CUBN: variants seen among roughly 807,000 people sequenced by gnomAD.
CUBN encodes the protein cubilin.
In CUBN, 282 loss-of-function variants were observed where a neutral mutation model predicts 405.3. That is an observed-to-expected ratio of 0.70 (90% confidence interval 0.63 to 0.77). The LOEUF (loss-of-function observed/expected upper bound fraction) is 0.77. CUBN is among the 30% of genes least tolerant of loss of function. The probability of loss-of-function intolerance (pLI) is 0.00; values close to 1 mark genes in which losing one functional copy is unlikely to be tolerated. For synonymous variants in CUBN, 1,684 were observed against 1,617.0 expected (o/e 1.04, Z -0.99); for missense variants, 4,514 against 4,475.2 (o/e 1.01, Z -0.25).
At position 17,065,617 on chromosome 10, in the gene CUBN, C is replaced by T. The variant is rs772693156; in HGVS notation, c.3030G>A (p.Pro1010=). The change falls in exon 22 of 67, where the codon CCG becomes CCA. Residue 1010 remains proline (P), a synonymous_variant. Coordinates refer to ENST00000377833, the MANE Select transcript of CUBN (RefSeq NM_001081.4). ...SLGRYCGKSI[P]PSLTSSGNSL... is the part of the protein sequence containing the mutation. The stretch of plus-strand genomic sequence containing the variant: ...AGTTACCACTGCTTGTGAGAGATGG[C>T]GGGATCGACTTTCCACAGTATCTAT... The T allele has an allele frequency of 2.5e-5, 40 of 1,613,194 alleles. No homozygotes were observed. The highest frequency in any genetic ancestry group is 4.5e-5 in the East Asian group (2 of 44,850).
intron 16 of CUBN, 74 bp from the exon 17 acceptor site, chr10:17,084,535 TA>T (rs1458183395): frequency 1.4e-5 from 18 of 1,286,484 alleles, no homozygotes; most frequent in Non-Finnish European, 1.9e-5. Context: ...ATCCAATTTC[TA>T]AAAATTTACC....
chr10:17,066,880 A>G (rs1835622314), intron 21 of CUBN, among the ~76,000 whole-genome samples: 1 of 152,106 alleles, frequency 6.6e-6, no homozygotes, highest in African/African-American at 2.4e-5. Flanking sequence ...TGAAACAACA[A>G]AAATCCTGGA....
intron 59 of CUBN, among the ~76,000 whole-genome samples, chr10:16,852,605 G>C (rs1839750728): frequency 6.6e-6 from 1 of 152,218 alleles, no homozygotes; most frequent in East Asian, 1.9e-4. Context: ...GTTGCTGAAA[G>C]AAGTGGGAAA....
At position 16,940,227 on chromosome 10, in the gene CUBN, A is replaced by G. The variant is rs903046082; in HGVS notation, c.5353T>C (p.Leu1785=). The G allele has an allele frequency of 1.2e-6, 2 of 1,613,910 alleles. No individual in the cohort carries two copies. The highest frequency in any genetic ancestry group is 1.1e-5 in the South Asian group (1 of 91,084). Reference sequence around the variant, plus strand: ...CTGCTGCAGTCCTGAGAGTCTTCCAACTGGAAAGATCTGATTTGGGGAAAA... The same window carrying G: ...CTGCTGCAGTCCTGAGAGTCTTCCAGCTGGAAAGATCTGATTTGGGGAAAA... The part of the protein sequence containing the change: ...RLQLSFISFQ[L]EDSQDCSRDF... Residue 1785 remains leucine, a synonymous_variant, in exon 37 of 67, where the codon TTG becomes CTG. Coordinates refer to ENST00000377833, the MANE Select transcript of CUBN (RefSeq NM_001081.4).
At chr10:16,894,400 G>C (rs1479804392) in intron 54 of CUBN, among the ~76,000 whole-genome samples, 2 of 151,930 alleles carry the variant, frequency 1.3e-5, no homozygotes, top group Non-Finnish European at 2.9e-5. Flanking sequence ...TGAGGTTTAG[G>C]TTGAGATTCA....
intron 17 of CUBN, among the ~76,000 whole-genome samples, chr10:17,077,664 T>G (rs1835881865): frequency 6.6e-6 from 1 of 152,114 alleles, no homozygotes; most frequent in South Asian, 2.1e-4. Context: ...TGAAGTGAGC[T>G]TCAGGCTGAC....
intron 30 of CUBN, among the ~76,000 whole-genome samples, chr10:16,983,505 G>T (rs751062528): frequency 3.9e-5 from 6 of 152,148 alleles, no homozygotes; most frequent in Non-Finnish European, 7.3e-5. Context: ...TCCCTCACAG[G>T]GTGGTTGTAA....
At chr10:17,109,871 A>C in intron 9 of CUBN, 136 bp from the exon 10 acceptor site, 1 of 683,820 alleles carries the variant, frequency 1.5e-6, no homozygotes, top group Non-Finnish European at 2.6e-6. Flanking sequence ...TAAGTATAAA[A>C]TGTCATCAAC....
intron 19 of CUBN, among the ~76,000 whole-genome samples, chr10:17,070,095 T>C (rs1005175086): frequency 1.3e-5 from 2 of 152,200 alleles, no homozygotes; most frequent in African/African-American, 4.8e-5. Flanking sequence ...ATTTTGCATG[T>C]GGCTATTGAG....
chr10:17,028,358 G>A (rs1213853404), intron 27 of CUBN, among the ~76,000 whole-genome samples: 1 of 151,956 alleles, frequency 6.6e-6, no homozygotes, highest in East Asian at 1.9e-4. Flanking sequence ...CCTTTGAGCT[G>A]GAAGAAGCCA....
At chr10:16,873,103 GAGGTAGGTAGGT>G (rs45547642) in intron 58 of CUBN, among the ~76,000 whole-genome samples, 6 of 152,058 alleles carry the variant, frequency 3.9e-5, no homozygotes, top group African/African-American at 1.5e-4. Flanking sequence ...AAATAGAGGG[GAGGTAGGTAGGT>G]AGGTAGGTAG....
intron 26 of CUBN, 29 bp from the exon 27 acceptor site, chr10:17,041,249 A>G (rs1321244938): frequency 2.6e-6 from 4 of 1,557,212 alleles, no homozygotes; most frequent in Non-Finnish European, 3.5e-6. Flanking sequence ...GTTAAGAACC[A>G]CTATTATATA....
At chr10:17,026,498 T>C (rs1053449230) in intron 27 of CUBN, among the ~76,000 whole-genome samples, 12 of 152,020 alleles carry the variant, frequency 7.9e-5, no homozygotes, top group Non-Finnish European at 1.6e-4. Context: ...CCGGGTGTGG[T>C]GGCGTACGCC....
intron 45 of CUBN, among the ~76,000 whole-genome samples, chr10:16,917,410 A>C (rs1476368835): frequency 1.3e-5 from 2 of 152,186 alleles, no homozygotes; most frequent in Non-Finnish European, 2.9e-5. Flanking sequence ...TGCTGTATAA[A>C]TTAGACATAA....
intron 15 of CUBN, among the ~76,000 whole-genome samples, chr10:17,087,472 C>CTTTTTTTTTTTTTTTTTTTTTTTTTTTTT (rs775573918): frequency 1.1e-4 from 8 of 71,710 alleles, no homozygotes; most frequent in East Asian, 4.8e-4. Flanking sequence ...TTTTCTTTTT[C>CTTTTTTTTTTTTTTTTTTTTTTTTTTTTT]TTTTTTTTTT....
intron 9 of CUBN, among the ~76,000 whole-genome samples, chr10:17,110,438 T>C (rs980869110): frequency 9.8e-5 from 15 of 152,362 alleles, no homozygotes; most frequent in African/African-American, 3.6e-4. Context: ...GTTTTTTCTT[T>C]CTTATCATAG....
intron 31 of CUBN, among the ~76,000 whole-genome samples, chr10:16,969,358 T>TC (rs1205677941): frequency 1.5e-5 from 1 of 67,522 alleles, no homozygotes; most frequent in African/African-American, 5.0e-5. Flanking sequence ...GTATTACTGC[T>TC]CCATTTTTTT....
intron 27 of CUBN, 125 bp from the exon 28 acceptor site, chr10:17,020,108 G>A: frequency 1.0e-6 from 1 of 975,922 alleles, no homozygotes; most frequent in South Asian, 1.3e-5. Flanking sequence ...TGCTGAGGTG[G>A]GTTGAGTACA....
In CUBN at chr10:16,952,327, T is replaced by G. The variant is rs1186833260; in HGVS notation, c.4918A>C (p.Asn1640His). Residue 1640 changes from asparagine (N) to histidine (H), a missense_variant, in exon 33 of 67, where the codon AAT becomes CAT. Physicochemically the swap from Asn to His is moderately conservative, Grantham distance 68. This residue lies in a region of CUBN where 1,613 missense variants were observed against 1,542.8 expected (regional missense o/e 1.05). Coordinates refer to ENST00000377833, the MANE Select transcript of CUBN (RefSeq NM_001081.4). ...CTGCAGTTCTGATTGTTTGGATAATTGGCAGGGAACCGTGGAGAGGAAACA... is the reference window on the plus strand; with the variant it reads ...CTGCAGTTCTGATTGTTTGGATAATGGGCAGGGAACCGTGGAGAGGAAACA... ...DTVSSPRFPA[N>H]YPNNQNCSWI... 5 of 1,613,922 alleles carry G rather than the reference T, an allele frequency of 3.1e-6. No individual in the cohort carries two copies. The highest frequency in any genetic ancestry group is 4.2e-6 in the Non-Finnish European group (5 of 1,179,960).
Sources: gnomAD v4.1 joint callset for allele counts (sites outside exome capture counted in the v4.1 genomes callset) on GRCh38, gnomAD v4.1.1 for gene constraint, gnomAD v4.1.1 regional missense constraint, MANE v1.5 for transcripts, NCBI Gene and HGNC (gene_info 2026-07-23, HGNC 2026-07-21) for gene names.